Variants in DISP1 observed in about 807,000 individuals in gnomAD.
DISP1 encodes dispatched RND transporter family member 1.
In DISP1, 30 loss-of-function variants were observed where a neutral mutation model predicts 37.3. The ratio of observed to expected loss-of-function variants is 0.80; its 90% confidence interval spans 0.60 to 1.09. The LOEUF is 1.09. Among genes scored for constraint, DISP1 ranks in the 50% least tolerant of loss-of-function variants. The pLI, the probability that DISP1 is intolerant of heterozygous loss-of-function variation, is 0.00. For missense variants in DISP1, 1,598 were observed against 1,879.5 expected (o/e 0.85, Z 2.77); for synonymous variants, 634 against 690.2 (o/e 0.92, Z 1.28).
intron 1 of DISP1, among the ~76,000 whole-genome samples, chr1:222,901,039 G>A (rs1671548457): frequency 6.6e-6 from 1 of 152,170 alleles, no homozygotes; most frequent in South Asian, 2.1e-4. Context: ...GTGGAATATA[G>A]TACACAAATG....
Position 222,943,194 on chromosome 1 carries a change from C to G in DISP1, c.371C>G (p.Ser124Cys). The G allele has an allele frequency of 6.2e-7, 1 of 1,610,112 alleles. No individual in the cohort carries two copies. Among genetic ancestry groups the G allele is most frequent in the Non-Finnish European group, 8.5e-7 (1 of 1,176,656 alleles). Residue 124 changes from serine to cysteine, a missense_variant, in exon 3 of 9, where the codon TCT becomes TGT. By Grantham distance (112) the Ser-to-Cys change is moderately radical (BLOSUM62 -1). Transcript: ENST00000675850. ...TGCATGCAGCCACACTCCGAGTATT[C>G]TGCATCTCTTTGTCCAAATCATTCA... is the stretch of plus-strand genomic sequence containing the variant. ...SCCMQPHSEY[S>C]ASLCPNHSPV...
At chr1:222,826,107 TTGCCTA>T (rs1463184089) in intron 1 of DISP1, among the ~76,000 whole-genome samples, 1 of 152,070 alleles carries the variant, frequency 6.6e-6, no homozygotes, top group African/African-American at 2.4e-5. Flanking sequence ...TCTCGTTTCA[TTGCCTA>T]TGTTGGTCTT....
chr1:222,829,164 G>T (rs980038788), intron 1 of DISP1, among the ~76,000 whole-genome samples: 1 of 152,098 alleles, frequency 6.6e-6, no homozygotes, highest in African/African-American at 2.4e-5. Context: ...AAAAATCTGA[G>T]AAAGATCTTT....
At chr1:222,858,015 C>T (rs746737663) in intron 1 of DISP1, among the ~76,000 whole-genome samples, 20 of 151,896 alleles carry the variant, frequency 1.3e-4, no homozygotes, top group Non-Finnish European at 2.9e-4. Context: ...GCATCTGTTA[C>T]CAGACTTCAG....
chr1:222,891,247 T>A (rs1207861028), intron 1 of DISP1, among the ~76,000 whole-genome samples: 1 of 152,028 alleles, frequency 6.6e-6, no homozygotes, highest in Non-Finnish European at 1.5e-5. Context: ...TCCGGAGACA[T>A]TTTGAAGGTA....
At chr1:222,952,908 A>G (rs774657172) in intron 3 of DISP1, among the ~76,000 whole-genome samples, 2 of 152,144 alleles carry the variant, frequency 1.3e-5, no homozygotes, top group African/African-American at 4.8e-5. Flanking sequence ...ATTAGCAAAA[A>G]TTGTGTAACA....
chr1:222,843,007 A>G (rs952974957), intron 1 of DISP1, among the ~76,000 whole-genome samples: 1 of 152,036 alleles, frequency 6.6e-6, no homozygotes, highest in African/African-American at 2.4e-5. Flanking sequence ...TTTAAAAATT[A>G]TTAGAAATTT....
intron 3 of DISP1, among the ~76,000 whole-genome samples, chr1:222,947,065 A>T (rs932301704): frequency 1.3e-5 from 2 of 152,218 alleles, no homozygotes; most frequent in Non-Finnish European, 1.5e-5. Flanking sequence ...TTAAGTATAC[A>T]GTTTAGTGAC....
At chr1:222,936,727 G>C (rs1220605152) in intron 2 of DISP1, among the ~76,000 whole-genome samples, 107 of 87,022 alleles carry the variant, frequency 1.2e-3, no homozygotes, top group East Asian at 2.6e-3. Flanking sequence ...TCATATATAT[G>C]ATATATAAAA....
chr1:222,965,184 C>A (rs1676383169), intron 3 of DISP1, among the ~76,000 whole-genome samples: 1 of 152,136 alleles, frequency 6.6e-6, no homozygotes, highest in African/African-American at 2.4e-5. Flanking sequence ...GGGTTTGAAT[C>A]CTGCCTCTTT....
intron 3 of DISP1, among the ~76,000 whole-genome samples, chr1:222,957,141 AT>A (rs1313921312): frequency 1.1e-5 from 1 of 89,026 alleles, no homozygotes; most frequent in African/African-American, 4.7e-5. Flanking sequence ...TTTCTTTACT[AT>A]TGTAAAAAAA....
At chr1:222,995,939 G>A (rs1183089321) in intron 8 of DISP1, among the ~76,000 whole-genome samples, 1 of 152,160 alleles carries the variant, frequency 6.6e-6, no homozygotes, top group Non-Finnish European at 1.5e-5. Flanking sequence ...CAGTCTCATT[G>A]TACTAACATG....
chr1:222,860,945 TC>T (rs1668847962), intron 1 of DISP1, among the ~76,000 whole-genome samples: 1 of 152,106 alleles, frequency 6.6e-6, no homozygotes, highest in Non-Finnish European at 1.5e-5. Flanking sequence ...CCACTTTCTA[TC>T]CCCATTATAT....
chr1:222,927,084 C>A (rs1253048930), intron 1 of DISP1, among the ~76,000 whole-genome samples: 3 of 150,352 alleles, frequency 2.0e-5, no homozygotes, highest in African/African-American at 7.3e-5. Flanking sequence ...GTTCTATGTT[C>A]AATATTTTGA....
At chr1:222,831,127 A>G (rs1347075087) in intron 1 of DISP1, 1 of 152,204 alleles carries the variant, frequency 6.6e-6, no homozygotes, top group Non-Finnish European at 1.5e-5. Flanking sequence ...GATTAATTGT[A>G]CAGAACCATT....
intron 4 of DISP1, among the ~76,000 whole-genome samples, chr1:222,983,966 A>G (rs1678030782): frequency 6.6e-6 from 1 of 152,216 alleles, no homozygotes; most frequent in South Asian, 2.1e-4. Flanking sequence ...TTTGAAATTC[A>G]GTTGCCAAAG....
intron 1 of DISP1, among the ~76,000 whole-genome samples, chr1:222,868,517 T>C (rs1669332501): frequency 6.6e-6 from 1 of 152,176 alleles, no homozygotes; most frequent in Non-Finnish European, 1.5e-5. Context: ...AGAGGAATTA[T>C]TAACTTTTTC....
intron 3 of DISP1, among the ~76,000 whole-genome samples, chr1:222,974,480 G>A (rs956885786): frequency 7.2e-5 from 11 of 152,198 alleles, no homozygotes; most frequent in East Asian, 1.9e-4. Context: ...TATAAAGTAC[G>A]TAGTATTTAC....
intron 1 of DISP1, among the ~76,000 whole-genome samples, chr1:222,865,784 T>TAC (rs1232208289): frequency 4.6e-5 from 7 of 152,078 alleles, no homozygotes; most frequent in African/African-American, 1.2e-4. Context: ...CTGATTTTTA[T>TAC]ACACACACAC....
Sources: gnomAD v4.1 joint callset for allele counts (sites outside exome capture counted in the v4.1 genomes callset) on GRCh38, gnomAD v4.1.1 for gene constraint, MANE v1.5 for transcripts, NCBI Gene and HGNC (gene_info 2026-07-23, HGNC 2026-07-21) for gene names.